IL1R1: variants seen among roughly 807,000 people sequenced by gnomAD.
IL1R1 encodes the protein interleukin 1 receptor type 1.
IL1R1 carries 22 observed loss-of-function variants against 50.2 expected under a neutral mutation model. The observed-to-expected ratio is 0.44, with a 90% CI of 0.31 to 0.63. IL1R1 has a LOEUF of 0.63. Among genes scored for constraint, IL1R1 ranks in the 20% least tolerant of loss-of-function variants. The pLI is 0.07. For missense variants in IL1R1, 509 were observed against 676.2 expected (o/e 0.75, Z 2.74); for synonymous variants, 251 against 236.7 (o/e 1.06, Z -0.55).
intron 1 of IL1R1, among the ~76,000 whole-genome samples, chr2:102,097,358 T>C (rs1381925708): frequency 1.3e-5 from 2 of 152,176 alleles, no homozygotes; most frequent in African/African-American, 4.8e-5. Flanking sequence ...TTAATGAACA[T>C]TAATTGTCTG....
At chr2:102,172,881 G>T in intron 9 of IL1R1, 43 bp downstream of exon 9, 1 of 1,426,532 alleles carries the variant, frequency 7.0e-7, no homozygotes, top group Non-Finnish European at 9.7e-7. Context: ...TTTTACTGTA[G>T]TAAGATTCCA....
chr2:102,102,016 G>A (rs923810283), upstream of IL1R1, among the ~76,000 whole-genome samples: 1 of 152,180 alleles, frequency 6.6e-6, no homozygotes, highest in Non-Finnish European at 1.5e-5. Context: ...GTTCACACAG[G>A]TTAACTAAAC....
At chr2:102,138,748 C>T (rs1358997016), upstream of IL1R1, among the ~76,000 whole-genome samples, 1 of 152,144 alleles carries the variant, frequency 6.6e-6, no homozygotes. Flanking sequence ...GAAGGAAGTC[C>T]ATCTAGGACA....
chr2:102,161,762 C>T (rs144360352), intron 3 of IL1R1, among the ~76,000 whole-genome samples: 12 of 152,100 alleles, frequency 7.9e-5, no homozygotes, highest in East Asian at 1.9e-4. Context: ...TGCAGTGGTG[C>T]GATCTCGGCT....
At position 102,142,880 on chromosome 2, in the gene IL1R1, A is replaced by T. The variant is rs1436896934; in HGVS notation, c.-224A>T. 1 of 150,710 alleles carries T rather than the reference A, an allele frequency of 6.6e-6. No individual in the cohort carries two copies. The highest frequency in any genetic ancestry group is 1.5e-5 in the Non-Finnish European group (1 of 67,646). 9.3% of individuals were successfully genotyped at this position (150,710 alleles called of 1,614,324 possible). On this transcript the variant is annotated 5_prime_UTR_variant, in exon 1 of 12. Transcript: ENST00000410023. ...GGCGCCGGCCTGCCCCGCGCGCCCC[A>T]GGGAGCGGCAGGAATGTGACAATCG...
rs113038790 is a variant in IL1R1 at position 102,077,518 on chromosome 2, A to C, written c.-84+6985A>C. ...TTTGTGTCTCTGTTCAACATGCTTG[A>C]TCTTTCCTCTAGCATCTTGGCCTTA... On this transcript the variant is annotated intron_variant, in intron 1 of 11. Transcript: ENST00000409929. 7.8e-3 allele frequency among the ~76,000 whole-genome samples: 1,187 copies of C among 152,252 alleles called. 14 individuals carry two copies. Among genetic ancestry groups the C allele is most frequent in the African/African-American group, 0.028 (1,152 of 41,536 alleles).
At chr2:102,151,391 C>A (rs1431389023) in intron 1 of IL1R1, among the ~76,000 whole-genome samples, 1 of 152,152 alleles carries the variant, frequency 6.6e-6, no homozygotes, top group Non-Finnish European at 1.5e-5. Context: ...GTTTTCATCC[C>A]CGTGTGTCTC....
At chr2:102,169,768 A>G (rs1685511222) in intron 7 of IL1R1, among the ~76,000 whole-genome samples, 2 of 152,244 alleles carry the variant, frequency 1.3e-5, no homozygotes, top group South Asian at 4.1e-4. Flanking sequence ...AAAATTAAAT[A>G]TGGGCCAATA....
chr2:102,120,419 A>G (rs1287275380), intron 1 of IL1R1, among the ~76,000 whole-genome samples: 1 of 152,130 alleles, frequency 6.6e-6, no homozygotes, highest in Non-Finnish European at 1.5e-5. Context: ...GCACGTGCCA[A>G]GTACCTGGCA....
intron 1 of IL1R1, among the ~76,000 whole-genome samples, chr2:102,129,887 A>T (rs1681934606): frequency 6.6e-6 from 1 of 152,246 alleles, no homozygotes; most frequent in Admixed American, 6.5e-5. Flanking sequence ...ATTGATATTA[A>T]GCACATTAGA....
chr2:102,176,042 T>A, intron 11 of IL1R1: 1 of 450,208 alleles, frequency 2.2e-6, no homozygotes, highest in Non-Finnish European at 3.9e-6. Context: ...AAATGGGAGG[T>A]TTGCAGTGGC....
At chr2:102,170,032 T>C (rs954567602) in intron 7 of IL1R1, among the ~76,000 whole-genome samples, 4 of 152,224 alleles carry the variant, frequency 2.6e-5, no homozygotes, top group Non-Finnish European at 5.9e-5. Context: ...ATGCCTGCCC[T>C]AGAAGTGTGT....
intron 1 of IL1R1, among the ~76,000 whole-genome samples, chr2:102,108,985 AATAAAAGCT>A (rs1680590683): frequency 7.4e-6 from 1 of 135,198 alleles, no homozygotes; most frequent in Non-Finnish European, 1.6e-5. Context: ...TAATAATAAT[AATAAAAGCT>A]AATATGTAAT....
intron 1 of IL1R1, among the ~76,000 whole-genome samples, chr2:102,095,413 G>A (rs1679853811): frequency 6.6e-6 from 1 of 152,256 alleles, no homozygotes; most frequent in East Asian, 1.9e-4. Flanking sequence ...TTAAAAACAA[G>A]AAGATGAGAG....
intron 7 of IL1R1, among the ~76,000 whole-genome samples, chr2:102,171,458 A>G (rs1480076150): frequency 6.6e-6 from 1 of 152,248 alleles, no homozygotes; most frequent in African/African-American, 2.4e-5. Flanking sequence ...CATCAATAGG[A>G]AATAGTTAAT....
chr2:102,111,223 C>G (rs1680742759), intron 1 of IL1R1, among the ~76,000 whole-genome samples: 1 of 152,160 alleles, frequency 6.6e-6, no homozygotes, highest in South Asian at 2.1e-4. Flanking sequence ...TCTGTAAACT[C>G]TTACCTTGTA....
intron 1 of IL1R1, among the ~76,000 whole-genome samples, chr2:102,095,885 C>A (rs1464566332): frequency 6.6e-6 from 1 of 152,048 alleles, no homozygotes; most frequent in African/African-American, 2.4e-5. Context: ...TGCCTGTAAT[C>A]CCAGCTACTC....
chr2:102,127,098 T>G, intron 1 of IL1R1, among the ~76,000 whole-genome samples: 1 of 152,246 alleles, frequency 6.6e-6, no homozygotes, highest in East Asian at 1.9e-4. Flanking sequence ...CCTTCTCTGC[T>G]TTGCCCAGTG....
upstream of IL1R1, chr2:102,141,867 C>T (rs2234650): frequency 0.41 from 62,995 of 151,990 alleles, 14,829 homozygotes; most frequent in African/African-American, 0.66. Flanking sequence ...CCCGAGGGAG[C>T]TGCAGACTCG....
Sources: allele counts gnomAD v4.1 joint callset (sites outside exome capture counted in the v4.1 genomes callset), GRCh38; gene constraint gnomAD v4.1.1; transcripts MANE v1.5; gene names NCBI Gene and HGNC (gene_info 2026-07-23, HGNC 2026-07-21).